The following ALG9 variants were observed in gnomAD, a reference collection of about 807,000 sequenced individuals.
The protein encoded by ALG9 is ALG9 alpha-1,2-mannosyltransferase, also known as alpha-1,2-mannosyltransferase ALG9.
A neutral mutation model predicts 81.8 loss-of-function variants in ALG9; 55 were observed. That is an observed-to-expected ratio of 0.67 (90% CI 0.54 to 0.84). ALG9 has a LOEUF of 0.84. Ranked by LOEUF, ALG9 falls within the 40% of genes least tolerant of loss-of-function variation. The pLI, the probability that ALG9 is intolerant of heterozygous loss-of-function variation, is 0.00. For missense variants in ALG9, 629 were observed against 745.0 expected, an observed-to-expected ratio of 0.84 and a Z score of 1.81; for synonymous variants, 278 against 274.3, an observed-to-expected ratio of 1.01 and a Z score of -0.13.
the ALG9 span, among the ~76,000 whole-genome samples, chr11:111,772,594 G>A: frequency 2.1e-3 from 323 of 152,234 alleles, 5 homozygotes; most frequent in South Asian, 0.027. Flanking sequence ...ACATTTATAC[G>A]GTGGGGCTGT....
chr11:111,854,642 T>A (rs1434939961), intron 6 of ALG9, among the ~76,000 whole-genome samples: 2 of 152,196 alleles, frequency 1.3e-5, no homozygotes, highest in Non-Finnish European at 2.9e-5. Context: ...TCACAGTACC[T>A]CTTCTGTGAT....
At chr11:111,816,994 TA>T (rs1951582211) in intron 13 of ALG9, among the ~76,000 whole-genome samples, 1 of 152,112 alleles carries the variant, frequency 6.6e-6, no homozygotes, top group African/African-American at 2.4e-5. Context: ...AAAGACTTCC[TA>T]AAGTTGGTAA....
At position 111,784,010 on chromosome 11, in the gene ALG9, C is replaced by A. The variant is rs1307241110; in HGVS notation, c.*2387G>T. 6.6e-6 allele frequency: 1 copy of A among 151,966 alleles called. No individual in the cohort carries two copies. Among genetic ancestry groups the A allele is most frequent in the East Asian group, 1.9e-4 (1 of 5,188 alleles). 9.4% of individuals were successfully genotyped at this position (151,966 alleles called of 1,614,324 possible). A position where few individuals can be genotyped will look rare whatever the true frequency, so the allele number is the denominator to read the frequency against. ...AAAAAAGCCATTCATCACAGATGGA[C>A]CTCCATTCCTGGATTCTTATTTACC... On this transcript the variant is annotated 3_prime_UTR_variant, in exon 15 of 15. Transcript: ENST00000616540.
At chr11:111,852,807 G>A (rs968496147) in intron 8 of ALG9, among the ~76,000 whole-genome samples, 35 of 151,780 alleles carry the variant, frequency 2.3e-4, no homozygotes, top group African/African-American at 7.7e-4. Context: ...ACATGGTGGC[G>A]GGCTAATAGC....
intron 14 of ALG9, 64 bp from the exon 15 acceptor site, chr11:111,786,584 T>C: frequency 6.5e-7 from 1 of 1,545,888 alleles, no homozygotes; most frequent in Non-Finnish European, 8.9e-7. Flanking sequence ...TGGTACTAAA[T>C]GTGATTAAAA....
intron 14 of ALG9, among the ~76,000 whole-genome samples, chr11:111,793,347 C>T (rs1947722951): frequency 6.6e-6 from 1 of 152,282 alleles, no homozygotes; most frequent in South Asian, 2.1e-4. Context: ...ATTCCAGCTG[C>T]TGTTCTAGAT....
In ALG9 at chr11:111,809,772, A is replaced by C. The variant is rs12575909; in HGVS notation, c.1604T>G (p.Ile535Ser). Residue 535 changes from isoleucine to serine, a missense_variant and splice_region_variant, in exon 14 of 15, where the codon ATT (isoleucine) becomes AGT (serine). Ile to Ser is a moderately radical substitution (Grantham distance 142). Coordinates refer to ENST00000616540, the MANE Select transcript of ALG9 (RefSeq NM_024740.2). ...TAAATAATGGCATTTACTGATATCA[A>C]TCTGAAATGGAGAAAGGCCAACTCT... ...DQNLEEPSRY[I>S]DISKCHYLVD... 1.1e-3 allele frequency: 1,835 copies of C among 1,613,924 alleles called. 41 individuals are homozygous for C. In the East Asian group the frequency reaches 0.038, roughly 33 times the overall value.
chr11:111,803,332 T>C (rs928238653), intron 14 of ALG9, among the ~76,000 whole-genome samples: 1 of 151,782 alleles, frequency 6.6e-6, no homozygotes, highest in African/African-American at 2.4e-5. Context: ...TGAAACTCCA[T>C]CTCCACTAAA....
intron 14 of ALG9, among the ~76,000 whole-genome samples, chr11:111,808,977 A>G (rs1021454130): frequency 1.3e-5 from 2 of 152,182 alleles, no homozygotes; most frequent in Non-Finnish European, 2.9e-5. Flanking sequence ...CTGAGCCTTG[A>G]GCCTGAAAAT....
intron 13 of ALG9, among the ~76,000 whole-genome samples, chr11:111,820,620 T>C (rs948960409): frequency 1.3e-5 from 2 of 152,176 alleles, no homozygotes; most frequent in Non-Finnish European, 2.9e-5. Context: ...ACACAAACCA[T>C]AGCATTAACT....
the ALG9 span, among the ~76,000 whole-genome samples, chr11:111,776,013 AC>A: frequency 6.6e-6 from 1 of 152,126 alleles, no homozygotes; most frequent in African/African-American, 2.4e-5. Context: ...ATAGTTATTG[AC>A]TTCATAAGGT....
At chr11:111,864,758 G>A (rs1157282009) in intron 4 of ALG9, among the ~76,000 whole-genome samples, 2 of 151,912 alleles carry the variant, frequency 1.3e-5, no homozygotes, top group Non-Finnish European at 1.5e-5. Context: ...CAGGAGCTAG[G>A]AGGAAAGTGT....
rs1185098404 is a variant in ALG9 at position 111,783,367 on chromosome 11, A to T, written c.*3030T>A. 1 of 152,398 alleles carries T rather than the reference A, an allele frequency of 6.6e-6. No homozygotes were observed. Among genetic ancestry groups the T allele is most frequent in the Non-Finnish European group, 1.5e-5 (1 of 68,278 alleles). 9.4% of individuals were successfully genotyped at this position (152,398 alleles called of 1,614,324 possible). On this transcript the variant is annotated 3_prime_UTR_variant, in exon 15 of 15. Transcript: ENST00000616540. ...CAGCTACTCAGGAGGCTGAAGCAGG[A>T]GAATTGCTTGAACCCGGGAGACAGA...
rs878853116 is a variant in ALG9, at chr11:111,871,433, C to A, written c.50G>T (p.Ser17Ile). 39 of 1,536,450 alleles carry A rather than the reference C, an allele frequency of 2.5e-5. No individual in the cohort carries two copies. The highest frequency in any genetic ancestry group is 3.3e-5 in the Non-Finnish European group (38 of 1,146,710). Residue 17 changes from serine (S) to isoleucine (I), a missense_variant, in exon 1 of 15, where the codon AGT (serine) becomes ATT (isoleucine). This residue lies in a region of ALG9 where 344 missense variants were observed against 390.5 expected (regional missense o/e 0.88). Transcript: ENST00000616540. ...GTCCGCAGCCGGGGCCGTATCCCCA[C>A]TGCTGGCCCCGCTGCCCTTCAGGCG... ...RQRLKGSGAS[S>I]GDTAPAADKL...
chr11:111,851,180 A>G (rs565553965), intron 8 of ALG9, among the ~76,000 whole-genome samples: 16 of 152,152 alleles, frequency 1.1e-4, no homozygotes, highest in African/African-American at 3.9e-4. Context: ...GATTATTCCT[A>G]TATTTAAGAG....
intron 13 of ALG9, among the ~76,000 whole-genome samples, chr11:111,823,067 A>G (rs141729523): frequency 2.0e-5 from 3 of 152,146 alleles, no homozygotes. Flanking sequence ...TCTGCCTCCG[A>G]CTAAGTGCTC....
intron 13 of ALG9, among the ~76,000 whole-genome samples, chr11:111,825,932 C>T (rs1383640711): frequency 1.3e-5 from 2 of 151,780 alleles, no homozygotes; most frequent in Non-Finnish European, 2.9e-5. Context: ...CATGGCGGCG[C>T]ATGCCTTCAT....
chr11:111,836,378 A>G, intron 12 of ALG9, 84 bp from the exon 13 acceptor site: 3 of 1,558,260 alleles, frequency 1.9e-6, no homozygotes, highest in East Asian at 4.6e-5. Flanking sequence ...CAGGAAAATC[A>G]TGTGAAAAAC....
intron 8 of ALG9, 92 bp from the exon 9 acceptor site, chr11:111,844,815 C>T: frequency 7.2e-7 from 1 of 1,382,466 alleles, no homozygotes; most frequent in Non-Finnish European, 1.0e-6. Flanking sequence ...TGGAATAACA[C>T]TGATGATCCT....
Sources: gnomAD v4.1 joint callset for allele counts (sites outside exome capture counted in the v4.1 genomes callset) on GRCh38, gnomAD v4.1.1 for gene constraint, gnomAD v4.1.1 regional missense constraint, MANE v1.5 for transcripts, NCBI Gene and HGNC (gene_info 2026-07-23, HGNC 2026-07-21) for gene names.